Variants in GREB1L observed in about 807,000 individuals in gnomAD.
GREB1L encodes the protein GREB1 like retinoic acid receptor coactivator, also known as GREB1-like protein.
A neutral mutation model predicts 200.8 loss-of-function variants in GREB1L; 17 were observed. The observed-to-expected ratio is 0.08, with a 90% CI of 0.06 to 0.13. GREB1L has a LOEUF of 0.13. Ranked by LOEUF, GREB1L falls within the 10% of genes least tolerant of loss-of-function variation. GREB1L has a pLI of 1.00. For synonymous variants in GREB1L, 789 were observed against 893.0 expected (o/e 0.88, Z 2.08); for missense variants, 1,657 against 2,367.7 (o/e 0.70, Z 6.23).
intron 1 of GREB1L, among the ~76,000 whole-genome samples, chr18:21,291,452 C>T (rs1567924365): frequency 6.6e-6 from 1 of 152,192 alleles, no homozygotes; most frequent in Non-Finnish European, 1.5e-5. Context: ...TCTGCTTCAC[C>T]ACTGTAGAGT....
rs565854245 is a variant in GREB1L at position 21,338,319 on chromosome 18, G to A, written c.-119-27708G>A. Among the ~76,000 whole-genome samples the A allele has an allele frequency of 8.5e-4, 130 of 152,208 alleles. 2 individuals carry two copies. The highest frequency in any genetic ancestry group is 4.1e-4 in the South Asian group (2 of 4,836). On this transcript the variant is annotated intron_variant, in intron 1 of 32. Coordinates refer to ENST00000424526, the MANE Select transcript of GREB1L (RefSeq NM_001142966.3). ...GCAGTCCTTGAGCTAGACTTTGTGAGAAACACTGATCTAAAATTCTGAATG... is the reference window on the plus strand; with the variant it reads ...GCAGTCCTTGAGCTAGACTTTGTGAAAAACACTGATCTAAAATTCTGAATG...
At chr18:21,370,340 A>G (rs2039826856) in intron 2 of GREB1L, among the ~76,000 whole-genome samples, 1 of 152,222 alleles carries the variant, frequency 6.6e-6, no homozygotes, top group Non-Finnish European at 1.5e-5. Flanking sequence ...AGAATGACAA[A>G]TATCAATTTA....
chr18:21,522,199 G>A (rs974578018), intron 32 of GREB1L, among the ~76,000 whole-genome samples: 9 of 151,850 alleles, frequency 5.9e-5, no homozygotes, highest in Non-Finnish European at 1.0e-4. Context: ...TGGGCTGGGC[G>A]CAGTGGCTCA....
At chr18:21,390,528 GTTTGTTTTTGTT>G (rs559660656) in intron 4 of GREB1L, among the ~76,000 whole-genome samples, 15 of 152,192 alleles carry the variant, frequency 9.9e-5, no homozygotes, top group Non-Finnish European at 1.3e-4. Context: ...TTGTTTGTTT[GTTTGTTTTTGTT>G]TTTGTTTTTG....
At chr18:21,358,069 A>G (rs186878837) in intron 1 of GREB1L, among the ~76,000 whole-genome samples, 1 of 152,282 alleles carries the variant, frequency 6.6e-6, no homozygotes, top group Non-Finnish European at 1.5e-5. Context: ...CATTTAAACA[A>G]TATTCATTTT....
chr18:21,441,775 A>T (rs1271221147), intron 10 of GREB1L, among the ~76,000 whole-genome samples: 1 of 152,194 alleles, frequency 6.6e-6, no homozygotes, highest in African/African-American at 2.4e-5. Context: ...CGCATGAGCC[A>T]CCAGCGTTGG....
chr18:21,377,889 AACAAGAG>A (rs2040140218), intron 2 of GREB1L, among the ~76,000 whole-genome samples: 1 of 152,036 alleles, frequency 6.6e-6, no homozygotes, highest in Non-Finnish European at 1.5e-5. Flanking sequence ...CAGCCTGGGC[AACAAGAG>A]TATAACTCTG....
At chr18:21,482,338 A>G (rs552171415) in intron 17 of GREB1L, among the ~76,000 whole-genome samples, 10 of 152,288 alleles carry the variant, frequency 6.6e-5, no homozygotes, top group African/African-American at 2.4e-4. Flanking sequence ...GCTCACTGCA[A>G]CCTCTGCCTC....
intron 1 of GREB1L, among the ~76,000 whole-genome samples, chr18:21,260,530 A>G (rs1307754824): frequency 6.6e-6 from 1 of 152,004 alleles, no homozygotes; most frequent in African/African-American, 2.4e-5. Flanking sequence ...AGCTCCTCAC[A>G]GTAGCTGGTT....
At chr18:21,503,204 TTAA>T (rs1218856277) in intron 23 of GREB1L, among the ~76,000 whole-genome samples, 1 of 151,620 alleles carries the variant, frequency 6.6e-6, no homozygotes, top group Non-Finnish European at 1.5e-5. Flanking sequence ...TTTATTATTA[TTAA>T]TAATAAAAAA....
intron 32 of GREB1L, among the ~76,000 whole-genome samples, chr18:21,521,371 CAA>C (rs35132178): frequency 1.3e-4 from 16 of 120,802 alleles, no homozygotes; most frequent in South Asian, 2.7e-4. Flanking sequence ...AACTCCATCT[CAA>C]AAAAAAAAAA....
chr18:21,327,171 T>G (rs1200373777), intron 1 of GREB1L, among the ~76,000 whole-genome samples: 2 of 152,202 alleles, frequency 1.3e-5, no homozygotes, highest in Non-Finnish European at 2.9e-5. Flanking sequence ...AATTCCCTCC[T>G]GGGGAGTCCA....
intron 1 of GREB1L, among the ~76,000 whole-genome samples, chr18:21,295,796 G>C (rs1031974808): frequency 2.0e-5 from 3 of 152,170 alleles, no homozygotes; most frequent in African/African-American, 4.8e-5. Flanking sequence ...ACACAGGTAG[G>C]GACAAAGGCA....
intron 2 of GREB1L, among the ~76,000 whole-genome samples, chr18:21,375,619 G>T (rs2040041535): frequency 6.6e-6 from 1 of 152,230 alleles, no homozygotes; most frequent in Non-Finnish European, 1.5e-5. Context: ...CTTGGTCAGT[G>T]GGTTAGTAGC....
chr18:21,496,469 T>C lies in GREB1L; in HGVS notation c.3162T>C (p.Cys1054=). ...TTTTGTTCAGGTCTTTGAAGTACTG[T>C]GACCTCCGGTTAATTGACTCAAGCT... The part of the protein sequence containing the change: ...GETFPRSLKY[C]DLRLIDSSYL... The change falls in exon 21 of 33, where the codon TGT becomes TGC. Residue 1054 remains cysteine, a synonymous_variant. Coordinates refer to ENST00000424526, the MANE Select transcript of GREB1L (RefSeq NM_001142966.3). The C allele has an allele frequency of 6.4e-7, 1 of 1,551,728 alleles. No individual in the cohort carries two copies. The highest frequency in any genetic ancestry group is 8.7e-7 in the Non-Finnish European group (1 of 1,147,006).
intron 1 of GREB1L, among the ~76,000 whole-genome samples, chr18:21,303,119 A>G (rs189454097): frequency 5.8e-4 from 89 of 152,284 alleles, no homozygotes; most frequent in African/African-American, 2.1e-3. Flanking sequence ...TGTCTCCCAA[A>G]GTGCTGGGAG....
At chr18:21,271,270 G>A (rs1282839693) in intron 1 of GREB1L, among the ~76,000 whole-genome samples, 3 of 152,102 alleles carry the variant, frequency 2.0e-5, no homozygotes, top group Non-Finnish European at 4.4e-5. Flanking sequence ...GATGTCTTTA[G>A]ATGGGGCATG....
Position 21,450,945 on chromosome 18 carries a change from A to G in GREB1L, c.1721-78A>G, listed in dbSNP as rs1006988697. On this transcript the variant is annotated intron_variant, in intron 12 of 32. Coordinates refer to ENST00000424526, the MANE Select transcript of GREB1L (RefSeq NM_001142966.3). ...ATAGTGACATCCTTTGATTGTTTCCAATTGTTGCCATTATAAGTAATGTTC... is the reference window on the plus strand; with the variant it reads ...ATAGTGACATCCTTTGATTGTTTCCGATTGTTGCCATTATAAGTAATGTTC... 5 of 1,417,234 alleles carry G rather than the reference A, an allele frequency of 3.5e-6. No individual in the cohort carries two copies. The African/African-American group carries it at 7.1e-5, about 20-fold the overall frequency. The allele number at this position is 1,417,234 out of a possible 1,614,324, so 87.8% of individuals were successfully genotyped here.
chr18:21,426,562 G>A (rs1184853600), intron 7 of GREB1L, among the ~76,000 whole-genome samples: 1 of 152,134 alleles, frequency 6.6e-6, no homozygotes, highest in Non-Finnish European at 1.5e-5. Context: ...TGATCTGTAT[G>A]TCTGTCCTTA....
Sources: gnomAD v4.1 joint callset for allele counts (sites outside exome capture counted in the v4.1 genomes callset) on GRCh38, gnomAD v4.1.1 for gene constraint, MANE v1.5 for transcripts, NCBI Gene and HGNC (gene_info 2026-07-23, HGNC 2026-07-21) for gene names.